RUFY3: variants seen among roughly 807,000 people sequenced by gnomAD.
The protein encoded by RUFY3 is protein RUFY3.
In RUFY3, 34 loss-of-function variants were observed where a neutral mutation model predicts 84.0. The ratio of observed to expected loss-of-function variants is 0.40; its 90% confidence interval spans 0.31 to 0.54. RUFY3 has a LOEUF of 0.54. Among genes scored for constraint, RUFY3 ranks in the 20% least tolerant of loss-of-function variants. The pLI is 0.39. For synonymous variants in RUFY3, 242 were observed against 252.9 expected (o/e 0.96, Z 0.41); for missense variants, 507 against 736.8 (o/e 0.69, Z 3.61).
intron 1 of RUFY3, among the ~76,000 whole-genome samples, chr4:70,732,940 G>T (rs370849058): frequency 6.6e-6 from 1 of 151,786 alleles, no homozygotes; most frequent in Non-Finnish European, 1.5e-5. Flanking sequence ...AGTGGCGGGC[G>T]CCTGTAATCC....
At chr4:70,717,580 CGTGTGT>C (rs927113823), upstream of RUFY3, among the ~76,000 whole-genome samples, 1 of 150,814 alleles carries the variant, frequency 6.6e-6, no homozygotes, top group Non-Finnish European at 1.5e-5. Context: ...AGAGACTTTG[CGTGTGT>C]GTGTGTGTGT....
chr4:70,721,317 G>A (rs369689317), upstream of RUFY3, among the ~76,000 whole-genome samples: 5 of 151,316 alleles, frequency 3.3e-5, no homozygotes, highest in East Asian at 5.8e-4. Flanking sequence ...GAAAAAAAAA[G>A]AAACGTATTT....
intron 12 of RUFY3, 138 bp downstream of exon 12, chr4:70,789,730 G>A: frequency 7.5e-7 from 1 of 1,338,886 alleles, no homozygotes; most frequent in South Asian, 1.7e-5. Context: ...AAAAAAGCCA[G>A]TTGAATGTTA....
exon 1 of RUFY3, chr4:70,705,265 G>A: frequency 6.9e-7 from 1 of 1,440,708 alleles, no homozygotes; most frequent in Non-Finnish European, 9.1e-7. Flanking sequence ...CCGAGCGGCG[G>A]CGGCGGCAGC....
chr4:70,770,583 G>A (rs1360616044), intron 5 of RUFY3, among the ~76,000 whole-genome samples: 2 of 152,106 alleles, frequency 1.3e-5, no homozygotes, highest in African/African-American at 4.8e-5. Flanking sequence ...AGAGCATTAG[G>A]GCCTTGCTCT....
upstream of RUFY3, among the ~76,000 whole-genome samples, chr4:70,717,653 G>A (rs557660135): frequency 1.3e-4 from 20 of 152,030 alleles, no homozygotes; most frequent in East Asian, 3.9e-4. Context: ...TTTAACATCC[G>A]GGGATGAGGA....
intron 8 of RUFY3, among the ~76,000 whole-genome samples, chr4:70,782,451 A>G (rs1204470339): frequency 6.6e-6 from 1 of 151,484 alleles, no homozygotes; most frequent in East Asian, 2.0e-4. Flanking sequence ...CGCCCAGCTA[A>G]TTTTTGTATT....
chr4:70,753,172 T>C (rs1443149651), intron 1 of RUFY3, among the ~76,000 whole-genome samples: 1 of 152,230 alleles, frequency 6.6e-6, no homozygotes, highest in Non-Finnish European at 1.5e-5. Context: ...TTATCTAATA[T>C]GTTGACATAC....
intron 1 of RUFY3, among the ~76,000 whole-genome samples, chr4:70,752,448 A>G (rs1359434322): frequency 6.6e-6 from 1 of 152,094 alleles, no homozygotes; most frequent in Non-Finnish European, 1.5e-5. Context: ...AGACTCGCCT[A>G]TACAATTTGG....
rs57075760 is a variant in RUFY3 at position 70,737,676 on chromosome 4, C to CTTTT, written c.178+14940_178+14943dup. On this transcript the variant is annotated intron_variant, in intron 1 of 17. Coordinates refer to ENST00000381006, the MANE Select transcript of RUFY3 (RefSeq NM_001037442.4). ...ACTTATGTCACTAATATTAATTCCT[C>CTTTT]TTTTTTTTTTTTTTTTTTGAGATAG... Among the ~76,000 whole-genome samples the CTTTT allele has an allele frequency of 6.6e-3, 889 of 134,422 alleles. 23 individuals carry two copies. The highest frequency in any genetic ancestry group is 0.023 in the African/African-American group (822 of 35,204). The allele number at this position is 134,422 out of a possible 152,430, so 88.2% of individuals were successfully genotyped here. A position where few individuals can be genotyped will look rare whatever the true frequency, so the allele number is the denominator to read the frequency against.
At chr4:70,801,067 G>A (rs568816166) in intron 15 of RUFY3, among the ~76,000 whole-genome samples, 1 of 151,030 alleles carries the variant, frequency 6.6e-6, no homozygotes, top group Non-Finnish European at 1.5e-5. Context: ...ATTTTAGCAG[G>A]TTAGAAATAT....
At chr4:70,786,291 G>C (rs1003919697) in intron 10 of RUFY3, among the ~76,000 whole-genome samples, 10 of 152,190 alleles carry the variant, frequency 6.6e-5, no homozygotes, top group African/African-American at 2.2e-4. Context: ...CAAAGCTATA[G>C]TTAGATAGGA....
chr4:70,753,086 G>A (rs754273843), intron 1 of RUFY3, among the ~76,000 whole-genome samples: 7 of 152,048 alleles, frequency 4.6e-5, no homozygotes, highest in Non-Finnish European at 7.4e-5. Flanking sequence ...TTACTTGTAG[G>A]TCTGTTCAGA....
At chr4:70,793,184 G>T in intron 12 of RUFY3, 1 of 986,036 alleles carries the variant, frequency 1.0e-6, no homozygotes, top group African/African-American at 1.7e-5. Flanking sequence ...CACATCTTTT[G>T]TGGGAATGGG....
intron 1 of RUFY3, among the ~76,000 whole-genome samples, chr4:70,748,158 G>A (rs1722530577): frequency 6.6e-6 from 1 of 152,118 alleles, no homozygotes; most frequent in Non-Finnish European, 1.5e-5. Context: ...TTTTAGGCAC[G>A]CTGATTCTCT....
intron 1 of RUFY3, among the ~76,000 whole-genome samples, chr4:70,749,930 A>G (rs1291279531): frequency 6.6e-6 from 1 of 151,994 alleles, no homozygotes; most frequent in East Asian, 1.9e-4. Context: ...TGCTGGGATT[A>G]CAGGTGTGAG....
At chr4:70,742,855 A>G (rs148620388) in intron 1 of RUFY3, among the ~76,000 whole-genome samples, 2 of 152,284 alleles carry the variant, frequency 1.3e-5, no homozygotes, top group East Asian at 3.9e-4. Flanking sequence ...GAATTCTGAA[A>G]TCCTGAGTGT....
chr4:70,705,610 G>A (rs1321389171), intron 1 of RUFY3, among the ~76,000 whole-genome samples: 1 of 152,206 alleles, frequency 6.6e-6, no homozygotes, highest in Non-Finnish European at 1.5e-5. Flanking sequence ...TTGGGCGGGG[G>A]CGAGAAGCGG....
intron 10 of RUFY3, among the ~76,000 whole-genome samples, chr4:70,787,548 A>G (rs1315208013): frequency 6.6e-6 from 1 of 152,084 alleles, no homozygotes; most frequent in East Asian, 1.9e-4. Flanking sequence ...GGTGTGAGCC[A>G]TCACACCCGG....
Sources: gnomAD v4.1 joint callset for allele counts (sites outside exome capture counted in the v4.1 genomes callset) on GRCh38, gnomAD v4.1.1 for gene constraint, MANE v1.5 for transcripts, NCBI Gene and HGNC (gene_info 2026-07-23, HGNC 2026-07-21) for gene names.